KIF26B: variants seen among roughly 807,000 people sequenced by gnomAD.
KIF26B encodes the protein kinesin family member 26B, also known as kinesin-like protein KIF26B.
A neutral mutation model predicts 151.2 loss-of-function variants in KIF26B; 63 were observed. The observed-to-expected ratio is 0.42, with a 90% CI of 0.34 to 0.51. The LOEUF is 0.51. Ranked by LOEUF, KIF26B falls within the 20% of genes least tolerant of loss-of-function variation. The probability of loss-of-function intolerance (pLI) is 0.07; values close to 1 mark genes in which losing one functional copy is unlikely to be tolerated. For synonymous variants in KIF26B, 1,357 were observed against 1,262.1 expected (o/e 1.08, Z -1.59); for missense variants, 2,813 against 2,913.6 (o/e 0.97, Z 0.79).
intron 5 of KIF26B, among the ~76,000 whole-genome samples, chr1:245,600,850 G>C (rs973553882): frequency 1.3e-5 from 2 of 152,142 alleles, no homozygotes; most frequent in Admixed American, 1.3e-4. Flanking sequence ...GTACAGGTGA[G>C]GAAATGGGGG....
chr1:245,496,707 T>C (rs1411619282), intron 4 of KIF26B, among the ~76,000 whole-genome samples: 3 of 152,074 alleles, frequency 2.0e-5, no homozygotes, highest in Middle Eastern at 3.2e-3. Context: ...CGTAATTGAG[T>C]TACATGAAAA....
intron 2 of KIF26B, among the ~76,000 whole-genome samples, chr1:245,220,859 C>G (rs1669752446): frequency 6.6e-6 from 1 of 152,006 alleles, no homozygotes; most frequent in Non-Finnish European, 1.5e-5. Flanking sequence ...TTTTGTCCCC[C>G]ACGGGTAATG....
chr1:245,444,431 G>A (rs1042721395), intron 4 of KIF26B, among the ~76,000 whole-genome samples: 21 of 152,358 alleles, frequency 1.4e-4, no homozygotes, highest in African/African-American at 4.3e-4. Context: ...ACCTACACCC[G>A]CCCCTCCTCC....
At chr1:245,617,378 AC>A (rs2043601827) in intron 9 of KIF26B, among the ~76,000 whole-genome samples, 1 of 152,136 alleles carries the variant, frequency 6.6e-6, no homozygotes, top group Non-Finnish European at 1.5e-5. Flanking sequence ...GGATTACCAT[AC>A]CTAGCCTAAT....
At chr1:245,230,779 A>G (rs556374898) in intron 2 of KIF26B, among the ~76,000 whole-genome samples, 29 of 152,016 alleles carry the variant, frequency 1.9e-4, no homozygotes, top group African/African-American at 7.0e-4. Context: ...GAAAAAGAAA[A>G]CGAAGGAAGG....
intron 9 of KIF26B, among the ~76,000 whole-genome samples, chr1:245,616,401 A>T (rs1353726758): frequency 3.3e-5 from 5 of 152,234 alleles, no homozygotes; most frequent in Non-Finnish European, 4.4e-5. Flanking sequence ...TACTGATCAG[A>T]GAGCTGCTTC....
At chr1:245,323,879 A>G (rs1173140916) in intron 2 of KIF26B, among the ~76,000 whole-genome samples, 6 of 145,692 alleles carry the variant, frequency 4.1e-5, no homozygotes, top group Non-Finnish European at 6.0e-5. Flanking sequence ...CCGTGGGTGG[A>G]TGGAGGTGGA....
intron 5 of KIF26B, among the ~76,000 whole-genome samples, chr1:245,548,322 A>T (rs888324811): frequency 6.6e-6 from 1 of 152,148 alleles, no homozygotes; most frequent in African/African-American, 2.4e-5. Flanking sequence ...TGAAGTCTTG[A>T]TGGGGCGCTG....
intron 10 of KIF26B, among the ~76,000 whole-genome samples, chr1:245,683,278 T>A (rs1474228498): frequency 1.3e-5 from 2 of 151,892 alleles, no homozygotes; most frequent in Non-Finnish European, 2.9e-5. Context: ...AGACACAGCA[T>A]GGAGATATGA....
intron 10 of KIF26B, among the ~76,000 whole-genome samples, chr1:245,675,792 A>T (rs1029949839): frequency 3.9e-5 from 6 of 152,178 alleles, no homozygotes; most frequent in Non-Finnish European, 5.9e-5. Context: ...GAAGCACATG[A>T]TAACTGTCTT....
At chr1:245,270,096 TCAA>T (rs1002763205) in intron 2 of KIF26B, among the ~76,000 whole-genome samples, 1 of 151,770 alleles carries the variant, frequency 6.6e-6, no homozygotes, top group African/African-American at 2.4e-5. Context: ...CACATCCTAA[TCAA>T]CACTTACTTT....
rs2044780763 is a variant in KIF26B, at chr1:245,702,142, G to A, written c.6179-316G>A. 6.6e-6 allele frequency among the ~76,000 whole-genome samples: 1 copy of A among 152,060 alleles called. No homozygotes were observed. Among genetic ancestry groups the A allele is most frequent in the Non-Finnish European group, 1.5e-5 (1 of 68,014 alleles). ...TTGATTGATTGATAGTGAATAGTGT[G>A]GTAGCGTCTCTCAAATCCTGGGATC... On this transcript the variant is annotated intron_variant, in intron 14 of 14. Coordinates refer to ENST00000407071, the MANE Select transcript of KIF26B (RefSeq NM_018012.4). The surrounding 1 kb of genome is among the most constrained non-coding windows in gnomAD (Gnocchi z 4.1).
chr1:245,693,821 A>T (rs1412972253), intron 12 of KIF26B, among the ~76,000 whole-genome samples: 1 of 152,212 alleles, frequency 6.6e-6, no homozygotes, highest in Admixed American at 6.5e-5. Flanking sequence ...CACAGTGATC[A>T]CTGGCTTAAT....
chr1:245,405,709 C>T (rs780630462), intron 3 of KIF26B, among the ~76,000 whole-genome samples: 7 of 152,092 alleles, frequency 4.6e-5, no homozygotes, highest in East Asian at 1.9e-4. Flanking sequence ...TCACTCATCC[C>T]ACCAAGTTGG....
chr1:245,684,121 G>GT lies in KIF26B; in HGVS notation c.2259-111dup, dbSNP rs1189375523. 97 of 1,143,716 alleles carry GT rather than the reference G, an allele frequency of 8.5e-5. 1 individual carries two copies. In the East Asian group the frequency reaches 2.3e-3, roughly 28 times the overall value. 70.8% of individuals were successfully genotyped at this position (1,143,716 alleles called of 1,614,324 possible). On this transcript the variant is annotated intron_variant, in intron 10 of 14. Transcript: ENST00000407071. The stretch of plus-strand genomic sequence containing the variant: ...GCTAATTAGTATGCCATTAAAAAGG[G>GT]TGGGGGGACCACCACCCACAACAAA...
chr1:245,210,541 T>C (rs1669498759), intron 2 of KIF26B, among the ~76,000 whole-genome samples: 1 of 150,570 alleles, frequency 6.6e-6, no homozygotes, highest in African/African-American at 2.4e-5. Flanking sequence ...ATTTGGATTA[T>C]ATTGTGGGAT....
At chr1:245,208,477 A>G (rs892241479) in intron 2 of KIF26B, among the ~76,000 whole-genome samples, 7 of 152,182 alleles carry the variant, frequency 4.6e-5, no homozygotes, top group African/African-American at 2.4e-5. Context: ...AGCCTCATCC[A>G]CAGAGCCAAT....
intron 4 of KIF26B, among the ~76,000 whole-genome samples, chr1:245,486,921 C>T (rs1396768368): frequency 6.6e-6 from 1 of 152,204 alleles, no homozygotes; most frequent in African/African-American, 2.4e-5. Flanking sequence ...CTCAAGGCCT[C>T]ACAGCCTGTA....
intron 4 of KIF26B, among the ~76,000 whole-genome samples, chr1:245,535,050 T>G (rs980308589): frequency 6.6e-6 from 1 of 152,218 alleles, no homozygotes; most frequent in African/African-American, 2.4e-5. Flanking sequence ...CCCAAAGTGC[T>G]GGGATTACAG....
Sources: allele counts gnomAD v4.1 joint callset (sites outside exome capture counted in the v4.1 genomes callset), GRCh38; gene constraint gnomAD v4.1.1; non-coding constraint Gnocchi (gnomAD v3.1); transcripts MANE v1.5; gene names NCBI Gene and HGNC (gene_info 2026-07-23, HGNC 2026-07-21).